Variants in CACNA2D3 observed in about 807,000 individuals in gnomAD.
The protein encoded by CACNA2D3 is calcium voltage-gated channel auxiliary subunit alpha2delta 3, also known as voltage-dependent calcium channel subunit alpha-2/delta-3.
CACNA2D3 carries 60 observed loss-of-function variants against 160.6 expected under a neutral mutation model. That is an observed-to-expected ratio of 0.37 (90% CI 0.30 to 0.46). The LOEUF (loss-of-function observed/expected upper bound fraction) is 0.46. CACNA2D3 is among the 20% of genes least tolerant of loss of function. The pLI is 1.00. For synonymous variants in CACNA2D3, 558 were observed against 492.9 expected (o/e 1.13, Z -1.75); for missense variants, 1,205 against 1,365.0 (o/e 0.88, Z 1.85).
chr3:54,348,775 CT>C (rs1698500529), intron 3 of CACNA2D3, among the ~76,000 whole-genome samples: 1 of 152,206 alleles, frequency 6.6e-6, no homozygotes, highest in African/African-American at 2.4e-5. Flanking sequence ...GTCACCCAGG[CT>C]GGAGGGCTGT....
At chr3:54,175,839 G>A (rs1375405101) in intron 2 of CACNA2D3, among the ~76,000 whole-genome samples, 2 of 152,066 alleles carry the variant, frequency 1.3e-5, no homozygotes, top group Non-Finnish European at 1.5e-5. Flanking sequence ...AATGATTACA[G>A]GGAGAAGTCA....
At chr3:54,955,108 T>G (rs958464614) in intron 27 of CACNA2D3, among the ~76,000 whole-genome samples, 1 of 152,126 alleles carries the variant, frequency 6.6e-6, no homozygotes, top group Non-Finnish European at 1.5e-5. Flanking sequence ...CGAACGTACG[T>G]AACATGGGGA....
In CACNA2D3 at chr3:54,296,330, C is replaced by T. The variant is rs150381951; in HGVS notation, c.205-24112C>T. Among the ~76,000 whole-genome samples, 324 of 152,258 alleles carry T rather than the reference C, an allele frequency of 2.1e-3. 4 individuals are homozygous for T. The highest frequency in any genetic ancestry group is 7.2e-3 in the African/African-American group (300 of 41,540). ...CTCCTCCTTTTCTCTCTCCCAGCCA[C>T]CCTGATGTGTTGGTTATGTAGGAAA... On this transcript the variant is annotated intron_variant, in intron 2 of 37. Transcript: ENST00000474759.
rs546452032 is a variant in CACNA2D3 at position 54,600,702 on chromosome 3, G to A, written c.963+18825G>A. Among the ~76,000 whole-genome samples, 8 of 152,220 alleles carry A rather than the reference G, an allele frequency of 5.3e-5. No homozygotes were observed. The South Asian group carries it at 6.2e-4, about 12-fold the overall frequency. Reference sequence around the variant, plus strand: ...ATTTTTAAATAGAGAGCCTCCTGCTGTACTTGTTTTTGGCTTTTCTTCCTC... The same window carrying A: ...ATTTTTAAATAGAGAGCCTCCTGCTATACTTGTTTTTGGCTTTTCTTCCTC... On this transcript the variant is annotated intron_variant, in intron 9 of 37. Transcript: ENST00000474759.
intron 5 of CACNA2D3, among the ~76,000 whole-genome samples, chr3:54,554,868 C>CTTT (rs1248489904): frequency 1.1e-5 from 1 of 88,172 alleles, no homozygotes; most frequent in African/African-American, 5.0e-5. Context: ...CTCTCTCACT[C>CTTT]TCTTTTTTTT....
intron 5 of CACNA2D3, among the ~76,000 whole-genome samples, chr3:54,511,496 T>A (rs547612485): frequency 6.6e-6 from 1 of 152,368 alleles, no homozygotes; most frequent in South Asian, 2.1e-4. Flanking sequence ...CTGTCAACTC[T>A]TCTTCTATTT....
intron 11 of CACNA2D3, among the ~76,000 whole-genome samples, chr3:54,729,827 A>G (rs1701351365): frequency 6.6e-6 from 1 of 151,942 alleles, no homozygotes; most frequent in Non-Finnish European, 1.5e-5. Context: ...TTGAAACCCC[A>G]TCTCTACTAA....
In CACNA2D3 at chr3:54,207,641, G is replaced by T. The variant is rs556245412; in HGVS notation, c.204+84047G>T. Among the ~76,000 whole-genome samples the T allele has an allele frequency of 1.1e-4, 16 of 152,272 alleles. 1 individual carries two copies. The South Asian group carries it at 3.1e-3, about 30-fold the overall frequency. On this transcript the variant is annotated intron_variant, in intron 2 of 37. Transcript: ENST00000474759. Reference sequence around the variant, plus strand: ...CAGCAGAGAGGAGAAATGTGCATTTGTCTGAGTTACCTCGGGAATGTCACG... The same window carrying T: ...CAGCAGAGAGGAGAAATGTGCATTTTTCTGAGTTACCTCGGGAATGTCACG...
chr3:54,334,100 A>AT (rs990261862), intron 3 of CACNA2D3, among the ~76,000 whole-genome samples: 13 of 151,392 alleles, frequency 8.6e-5, no homozygotes, highest in African/African-American at 2.2e-4. Flanking sequence ...ATTTAATTTA[A>AT]TTTTTTTTTG....
chr3:54,338,920 GCAGCATCACCA>G (rs1260375471), intron 3 of CACNA2D3, among the ~76,000 whole-genome samples: 1 of 152,126 alleles, frequency 6.6e-6, no homozygotes, highest in Non-Finnish European at 1.5e-5. Context: ...GCAGCTATTA[GCAGCATCACCA>G]CAGACATTCC....
chr3:54,164,598 A>G (rs1559868520), intron 2 of CACNA2D3, among the ~76,000 whole-genome samples: 1 of 152,070 alleles, frequency 6.6e-6, no homozygotes, highest in East Asian at 1.9e-4. Flanking sequence ...TTAGGCCATT[A>G]TCAAGTTCAG....
intron 4 of CACNA2D3, among the ~76,000 whole-genome samples, chr3:54,427,489 C>T (rs7651469): frequency 0.023 from 3,494 of 152,214 alleles, 155 homozygotes; most frequent in African/African-American, 0.079. Flanking sequence ...GATGATTACT[C>T]GGACAAGAGC....
intron 4 of CACNA2D3, among the ~76,000 whole-genome samples, chr3:54,445,919 TG>T (rs919477005): frequency 1.3e-4 from 20 of 152,174 alleles, no homozygotes; most frequent in African/African-American, 4.8e-4. Context: ...GCTTTGTTCC[TG>T]TGGTCTCTCC....
intron 27 of CACNA2D3, among the ~76,000 whole-genome samples, chr3:54,915,234 A>C (rs1031496935): frequency 6.6e-6 from 1 of 152,204 alleles, no homozygotes; most frequent in Non-Finnish European, 1.5e-5. Context: ...AGTTGATTCT[A>C]GGTCTTCCTT....
chr3:54,273,613 C>G (rs1374140665), intron 2 of CACNA2D3, among the ~76,000 whole-genome samples: 2 of 152,202 alleles, frequency 1.3e-5, no homozygotes, highest in Non-Finnish European at 2.9e-5. Context: ...AGGCAATTTA[C>G]TCTGGCAGCA....
At chr3:54,857,631 C>T (rs1699201873) in intron 17 of CACNA2D3, among the ~76,000 whole-genome samples, 1 of 152,178 alleles carries the variant, frequency 6.6e-6, no homozygotes, top group South Asian at 2.1e-4. Flanking sequence ...GCGGGTATTT[C>T]CTGGGAATCC....
rs1430664897 is a variant in CACNA2D3 at position 54,177,563 on chromosome 3, A to G, written c.204+53969A>G. Among the ~76,000 whole-genome samples, 5 of 152,314 alleles carry G rather than the reference A, an allele frequency of 3.3e-5. No individual in the cohort carries two copies. The East Asian group carries it at 9.7e-4, about 29-fold the overall frequency. On this transcript the variant is annotated intron_variant, in intron 2 of 37. Coordinates refer to ENST00000474759, the MANE Select transcript of CACNA2D3 (RefSeq NM_018398.3). Reference sequence around the variant, plus strand: ...TGAATTATCCTGCCCCCACACTTGCATCCTGCAGTTACAAAGCTTCCTTAC... The same window carrying G: ...TGAATTATCCTGCCCCCACACTTGCGTCCTGCAGTTACAAAGCTTCCTTAC...
At chr3:54,401,139 G>C (rs190150568) in intron 4 of CACNA2D3, among the ~76,000 whole-genome samples, 7 of 151,990 alleles carry the variant, frequency 4.6e-5, no homozygotes, top group Admixed American at 4.6e-4. Context: ...ACTAGATCAA[G>C]CAGAAGAAAG....
intron 13 of CACNA2D3, among the ~76,000 whole-genome samples, chr3:54,794,520 T>C (rs547507130): frequency 6.6e-6 from 1 of 152,180 alleles, no homozygotes; most frequent in Non-Finnish European, 1.5e-5. Context: ...AAGCTTCCAA[T>C]TGGAATAATT....
Sources: gnomAD v4.1 joint callset for allele counts (sites outside exome capture counted in the v4.1 genomes callset) on GRCh38, gnomAD v4.1.1 for gene constraint, MANE v1.5 for transcripts, NCBI Gene and HGNC (gene_info 2026-07-23, HGNC 2026-07-21) for gene names.